The following NLGN1 variants were observed in gnomAD, a reference collection of about 807,000 sequenced individuals.
NLGN1 encodes the protein neuroligin 1, also known as neuroligin-1.
Under a neutral mutation model 65.5 loss-of-function variants are expected in NLGN1, and 12 were observed. The observed-to-expected ratio is 0.18, with a 90% CI of 0.12 to 0.30. NLGN1 has a LOEUF of 0.30. Ranked by LOEUF, NLGN1 falls within the 10% of genes least tolerant of loss-of-function variation. The pLI, the probability that NLGN1 is intolerant of heterozygous loss-of-function variation, is 1.00. For missense variants in NLGN1, 750 were observed against 1,007.1 expected (o/e 0.74, Z 3.46); for synonymous variants, 350 against 359.5 (o/e 0.97, Z 0.30).
At chr3:173,586,602 A>G (rs1296190905) in intron 2 of NLGN1, among the ~76,000 whole-genome samples, 3 of 152,216 alleles carry the variant, frequency 2.0e-5, no homozygotes, top group Non-Finnish European at 4.4e-5. Flanking sequence ...AAAGGTAGAT[A>G]TTTCTTATTT....
At chr3:174,184,315 TCAGC>T (rs1731005262) in intron 4 of NLGN1, among the ~76,000 whole-genome samples, 1 of 151,364 alleles carries the variant, frequency 6.6e-6, no homozygotes, top group African/African-American at 2.4e-5. Context: ...CAAAAAACAC[TCAGC>T]CAAATATTAA....
chr3:174,219,640 A>G (rs754586607), intron 4 of NLGN1, among the ~76,000 whole-genome samples: 2 of 152,174 alleles, frequency 1.3e-5, no homozygotes, highest in Non-Finnish European at 2.9e-5. Flanking sequence ...AAATAGATCT[A>G]TCCCTGGACA....
intron 4 of NLGN1, among the ~76,000 whole-genome samples, chr3:173,945,199 C>T (rs1473781814): frequency 6.6e-6 from 1 of 151,896 alleles, no homozygotes; most frequent in African/African-American, 2.4e-5. Context: ...TGTTTTCCGT[C>T]ATGCCTGGTC....
At chr3:174,289,649 G>A (rs2152903274), downstream of NLGN1, among the ~76,000 whole-genome samples, 1 of 151,238 alleles carries the variant, frequency 6.6e-6, no homozygotes, top group Non-Finnish European at 1.5e-5. Context: ...TAATTAAGAT[G>A]TGAATTTAGG....
chr3:174,084,023 G>A (rs1742784815), intron 4 of NLGN1, among the ~76,000 whole-genome samples: 1 of 152,164 alleles, frequency 6.6e-6, no homozygotes, highest in Non-Finnish European at 1.5e-5. Flanking sequence ...ACAAAAAGGT[G>A]ATGCTTCTGC....
chr3:173,937,688 CAA>C (rs1745297396), intron 4 of NLGN1, among the ~76,000 whole-genome samples: 1 of 152,060 alleles, frequency 6.6e-6, no homozygotes, highest in African/African-American at 2.4e-5. Context: ...AATCACTTGA[CAA>C]GTGATTTTAT....
At chr3:174,212,090 C>A (rs1736726805) in intron 4 of NLGN1, among the ~76,000 whole-genome samples, 1 of 152,198 alleles carries the variant, frequency 6.6e-6, no homozygotes, top group Non-Finnish European at 1.5e-5. Context: ...TCAGGCATGG[C>A]GGGCTGCAGG....
At chr3:174,256,099 G>A (rs1184788649) in intron 4 of NLGN1, among the ~76,000 whole-genome samples, 1 of 152,166 alleles carries the variant, frequency 6.6e-6, no homozygotes, top group Non-Finnish European at 1.5e-5. Flanking sequence ...GCTCCATCAG[G>A]CAAGAGAGTA....
At chr3:173,861,731 T>A (rs1351300931) in intron 4 of NLGN1, among the ~76,000 whole-genome samples, 2 of 151,986 alleles carry the variant, frequency 1.3e-5, no homozygotes, top group Non-Finnish European at 2.9e-5. Context: ...TGTGTGTGTT[T>A]GTGTGTGTTT....
chr3:174,144,301 T>C (rs887590054), intron 4 of NLGN1, among the ~76,000 whole-genome samples: 1 of 152,186 alleles, frequency 6.6e-6, no homozygotes, highest in Non-Finnish European at 1.5e-5. Flanking sequence ...ACATTTTCTT[T>C]ATCCAGTCTA....
In NLGN1 at chr3:174,210,729, T is replaced by TA. The variant is rs996288436; in HGVS notation, c.647-64579dup. On this transcript the variant is annotated intron_variant, in intron 4 of 6. Coordinates refer to ENST00000457714, the Ensembl canonical transcript of NLGN1. Reference sequence around the variant, plus strand: ...TCCTAGCTTTATATCAAGTAGCAGTTAAAAAAATACAGTTACATGCCACAT... The same window carrying TA: ...TCCTAGCTTTATATCAAGTAGCAGTTAAAAAAAATACAGTTACATGCCACAT... 7.9e-5 allele frequency among the ~76,000 whole-genome samples: 12 copies of TA among 152,256 alleles called. No individual in the cohort carries two copies. In the South Asian group the frequency reaches 1.7e-3, roughly 21 times the overall value.
chr3:174,142,423 T>C lies in NLGN1; in HGVS notation c.647-132892T>C, dbSNP rs575261228. Among the ~76,000 whole-genome samples, 79 of 152,306 alleles carry C rather than the reference T, an allele frequency of 5.2e-4. 1 individual carries two copies. Among genetic ancestry groups the C allele is most frequent in the African/African-American group, 1.8e-3 (76 of 41,570 alleles). On this transcript the variant is annotated intron_variant, in intron 4 of 6. Coordinates refer to ENST00000457714, the Ensembl canonical transcript of NLGN1. ...CTTTTTGATCACACTTTTGACCTGA[T>C]ACATATGTATAAGTCGTTCTCAATG...
chr3:173,817,716 T>C (rs1719312181), intron 4 of NLGN1, among the ~76,000 whole-genome samples: 2 of 152,226 alleles, frequency 1.3e-5, no homozygotes, highest in South Asian at 4.1e-4. Context: ...TAATCTATAA[T>C]ATAGTAATCA....
chr3:173,909,859 G>A (rs1303585564), intron 4 of NLGN1, among the ~76,000 whole-genome samples: 1 of 152,046 alleles, frequency 6.6e-6, no homozygotes, highest in African/African-American at 2.4e-5. Context: ...TGTATTTTCA[G>A]TAGAGACGGG....
At chr3:173,460,243 A>G (rs1293880789) in intron 2 of NLGN1, among the ~76,000 whole-genome samples, 1 of 152,114 alleles carries the variant, frequency 6.6e-6, no homozygotes, top group Non-Finnish European at 1.5e-5. Flanking sequence ...TGAAATACTC[A>G]TAAGATAGCT....
At chr3:173,953,850 A>G (rs1407641466) in intron 4 of NLGN1, among the ~76,000 whole-genome samples, 1 of 152,078 alleles carries the variant, frequency 6.6e-6, no homozygotes, top group Non-Finnish European at 1.5e-5. Context: ...ACTCATTTCT[A>G]TTTATATCTG....
chr3:174,166,872 G>T (rs565457949), intron 4 of NLGN1, among the ~76,000 whole-genome samples: 1 of 152,008 alleles, frequency 6.6e-6, no homozygotes, highest in Admixed American at 6.6e-5. Flanking sequence ...CTATGGTTGG[G>T]TGTGTAGATA....
At chr3:173,812,104 G>A (rs1356604281) in intron 4 of NLGN1, among the ~76,000 whole-genome samples, 1 of 152,006 alleles carries the variant, frequency 6.6e-6, no homozygotes, top group East Asian at 1.9e-4. Flanking sequence ...ATATCTATCT[G>A]GACATTTGGC....
intron 3 of NLGN1, among the ~76,000 whole-genome samples, chr3:173,628,110 C>A (rs767898783): frequency 1.1e-4 from 17 of 152,100 alleles, no homozygotes; most frequent in Non-Finnish European, 1.6e-4. Flanking sequence ...GGGGCCTGTC[C>A]CACCTGGATA....
Sources: allele counts gnomAD v4.1 joint callset (sites outside exome capture counted in the v4.1 genomes callset), GRCh38; gene constraint gnomAD v4.1.1; transcripts MANE v1.5; gene names NCBI Gene and HGNC (gene_info 2026-07-23, HGNC 2026-07-21).